The following SDHA variants were observed in gnomAD, a reference collection of about 807,000 sequenced individuals.
The protein encoded by SDHA is succinate dehydrogenase [ubiquinone] flavoprotein subunit, mitochondrial.
SDHA carries 48 observed loss-of-function variants against 78.4 expected under a neutral mutation model. The observed-to-expected ratio is 0.61, with a 90% CI of 0.49 to 0.78. The LOEUF (loss-of-function observed/expected upper bound fraction) is 0.78. Ranked by LOEUF, SDHA falls within the 30% of genes least tolerant of loss-of-function variation. The pLI is 0.00. For synonymous variants in SDHA, 326 were observed against 353.9 expected (o/e 0.92, Z 0.88); for missense variants, 680 against 892.7 (o/e 0.76, Z 3.04).
intron 1 of SDHA, among the ~76,000 whole-genome samples, chr5:221,906 G>A (rs115765319): frequency 0.012 from 1,794 of 152,182 alleles, 34 homozygotes; most frequent in African/African-American, 0.041. Context: ...GTGTGGTGGG[G>A]GGTGGGCAGT....
Position 228,415 on chromosome 5 carries a change from A to G in SDHA, c.770+82A>G. On this transcript the variant is annotated intron_variant, in intron 6 of 14. Transcript: ENST00000264932. Reference sequence around the variant, plus strand: ...AGTTTCTTTATTTTAATGAAAATAGAGGCATTGTAGAATAACGGTTTAGAC... The same window carrying G: ...AGTTTCTTTATTTTAATGAAAATAGGGGCATTGTAGAATAACGGTTTAGAC... The G allele has an allele frequency of 3.5e-6, 5 of 1,415,250 alleles. No individual in the cohort carries two copies. In the South Asian group the frequency reaches 6.0e-5, roughly 17 times the overall value. The allele number at this position is 1,415,250 out of a possible 1,614,324, so 87.7% of individuals were successfully genotyped here. A position where few individuals can be genotyped will look rare whatever the true frequency, so the allele number is the denominator to read the frequency against.
chr5:263,231 C>T, the SDHA span, among the ~76,000 whole-genome samples: 3 of 152,098 alleles, frequency 2.0e-5, no homozygotes, highest in African/African-American at 7.2e-5. Flanking sequence ...TGAGCCACTG[C>T]CAGAAAAACT....
intron 5 of SDHA, 85 bp downstream of exon 5, chr5:226,132 G>A: frequency 1.4e-6 from 2 of 1,443,518 alleles, no homozygotes; most frequent in East Asian, 4.6e-5. Flanking sequence ...CGTGCCCAGT[G>A]AGTCAGCCAG....
At chr5:225,592 G>A (rs771236880) in intron 4 of SDHA, 30 bp downstream of exon 4, 36 of 1,613,714 alleles carry the variant, frequency 2.2e-5, no homozygotes, top group African/African-American at 4.0e-5. Flanking sequence ...GGGTGTTCTC[G>A]TGGTCTGTTT....
intron 10 of SDHA, 114 bp from the exon 11 acceptor site, chr5:240,244 C>G (rs577879095): frequency 5.6e-5 from 40 of 709,366 alleles, no homozygotes; most frequent in Middle Eastern, 3.8e-4. Context: ...AGGAGACTTA[C>G]AGAGTTTCCA....
intron 10 of SDHA, among the ~76,000 whole-genome samples, chr5:239,773 ATTTT>A (rs113918084): frequency 6.9e-6 from 1 of 144,208 alleles, no homozygotes; most frequent in Non-Finnish European, 1.5e-5. Flanking sequence ...TATACATTTA[ATTTT>A]TTTTTTTTTT....
the SDHA span, among the ~76,000 whole-genome samples, chr5:263,472 G>A: frequency 3.3e-5 from 5 of 152,194 alleles, no homozygotes; most frequent in Non-Finnish European, 5.9e-5. Context: ...AGTGCATACT[G>A]TGTACAGAGG....
chr5:259,757 C>T (rs1477604230), downstream of SDHA, among the ~76,000 whole-genome samples: 6 of 35,422 alleles, frequency 1.7e-4, no homozygotes, highest in South Asian at 1.3e-3. Flanking sequence ...CTCCGCCTCC[C>T]GTCCGAGCAT....
intron 6 of SDHA, among the ~76,000 whole-genome samples, chr5:229,991 T>C (rs546900351): frequency 2.1e-4 from 32 of 152,330 alleles, no homozygotes; most frequent in African/African-American, 6.3e-4. Flanking sequence ...TGGCTAGAGT[T>C]AACATTATAC....
intron 9 of SDHA, chr5:235,573 T>G (rs1735725254): frequency 1.7e-6 from 1 of 573,998 alleles, no homozygotes; most frequent in Non-Finnish European, 3.1e-6. Flanking sequence ...TTTTTCCATT[T>G]TGTAATTACT....
Position 231,010 on chromosome 5 carries a change from G to GA in SDHA, c.895+11dup. The GA allele has an allele frequency of 6.2e-7, 1 of 1,613,894 alleles. No individual in the cohort carries two copies. The highest frequency in any genetic ancestry group is 8.5e-7 in the Non-Finnish European group (1 of 1,179,846). ...CAGTTCCACCCTACAGGTAGGGCAGGACGCCTTGCCCGGCAGGTGTTTGGC... is the reference window on the plus strand; with the variant it reads ...CAGTTCCACCCTACAGGTAGGGCAGGAACGCCTTGCCCGGCAGGTGTTTGGC... On this transcript the variant is annotated intron_variant, in intron 7 of 14. Transcript: ENST00000264932.
intron 6 of SDHA, among the ~76,000 whole-genome samples, chr5:228,598 A>AT (rs55910513): frequency 0.24 from 36,519 of 151,984 alleles, 6,843 homozygotes; most frequent in African/African-American, 0.52. Context: ...ACCTCTCCCA[A>AT]TTTAGATGAG....
chr5:238,448 T>C (rs1470580389), intron 10 of SDHA, among the ~76,000 whole-genome samples: 1 of 91,170 alleles, frequency 1.1e-5, no homozygotes, highest in African/African-American at 9.1e-5. Flanking sequence ...TATATATGTA[T>C]TTTTTTTTTT....
the SDHA span, among the ~76,000 whole-genome samples, chr5:268,606 G>A: frequency 6.6e-6 from 1 of 152,126 alleles, no homozygotes; most frequent in South Asian, 2.1e-4. Flanking sequence ...TTGGCTTTAG[G>A]CAAGTTACCT....
intron 7 of SDHA, among the ~76,000 whole-genome samples, chr5:232,754 T>C (rs1479172939): frequency 6.6e-6 from 1 of 152,224 alleles, no homozygotes; most frequent in Non-Finnish European, 1.5e-5. Context: ...GCTTTCGAAA[T>C]ACATTTAGTT....
chr5:265,734 T>C, the SDHA span, among the ~76,000 whole-genome samples: 1 of 151,644 alleles, frequency 6.6e-6, no homozygotes, highest in South Asian at 2.1e-4. Flanking sequence ...GCAGGAGAGT[T>C]GCTTGAACCC....
chr5:230,375 C>T (rs1356721770), intron 6 of SDHA, among the ~76,000 whole-genome samples: 2 of 152,004 alleles, frequency 1.3e-5, no homozygotes, highest in Non-Finnish European at 2.9e-5. Flanking sequence ...GCCTGTAATC[C>T]CGGCACTTTG....
chr5:264,005 A>C, the SDHA span, among the ~76,000 whole-genome samples: 1 of 152,222 alleles, frequency 6.6e-6, no homozygotes. Context: ...AGGAACATTA[A>C]TTCGTACAGT....
rs200254024 is a variant in SDHA at position 250,945 on chromosome 5, G to T, written c.1552-47G>T. 360 of 1,511,294 alleles carry T rather than the reference G, an allele frequency of 2.4e-4. No homozygotes were observed. The East Asian group carries it at 6.5e-3, about 27-fold the overall frequency. 93.6% of individuals were successfully genotyped at this position (1,511,294 alleles called of 1,614,324 possible). ...TAAAAGTTAAGCAGTTCTTGGTATG[G>T]CTGCTTCTATGGATTAAAAGTTTAC... On this transcript the variant is annotated intron_variant, in intron 11 of 14. Coordinates refer to ENST00000264932, the MANE Select transcript of SDHA (RefSeq NM_004168.4).
Sources: allele counts gnomAD v4.1 joint callset (sites outside exome capture counted in the v4.1 genomes callset), GRCh38; gene constraint gnomAD v4.1.1; transcripts MANE v1.5; gene names NCBI Gene and HGNC (gene_info 2026-07-23, HGNC 2026-07-21).